GLRA3: variants seen among roughly 807,000 people sequenced by gnomAD.
GLRA3 encodes glycine receptor alpha 3.
In GLRA3, 44 loss-of-function variants were observed where a neutral mutation model predicts 60.4. The ratio of observed to expected loss-of-function variants is 0.73; its 90% CI spans 0.57 to 0.94. The LOEUF is 0.94. GLRA3 is among the 40% of genes least tolerant of loss of function. The pLI is 0.00. For synonymous variants in GLRA3, 223 were observed against 192.9 expected, an observed-to-expected ratio of 1.16 and a Z score of -1.29; for missense variants, 508 against 564.6, an observed-to-expected ratio of 0.90 and a Z score of 1.02.
chr4:174,702,642 A>C (rs998877104), intron 5 of GLRA3, among the ~76,000 whole-genome samples: 3 of 152,132 alleles, frequency 2.0e-5, no homozygotes, highest in Non-Finnish European at 4.4e-5. Context: ...ATCATAGCTC[A>C]CTGCAACCTT....
intron 1 of GLRA3, among the ~76,000 whole-genome samples, chr4:174,802,784 A>G (rs1739870309): frequency 6.6e-6 from 1 of 152,132 alleles, no homozygotes. Flanking sequence ...AGTCATCAAA[A>G]TCATAGTCTG....
At chr4:174,768,126 C>T (rs987297355) in intron 2 of GLRA3, among the ~76,000 whole-genome samples, 1 of 152,070 alleles carries the variant, frequency 6.6e-6, no homozygotes, top group Admixed American at 6.6e-5. Context: ...ACTGACAAAG[C>T]TCTGGGGATG....
At chr4:174,778,935 G>A (rs1215195370) in intron 2 of GLRA3, among the ~76,000 whole-genome samples, 2 of 152,102 alleles carry the variant, frequency 1.3e-5, no homozygotes, top group Non-Finnish European at 2.9e-5. Context: ...GGTAAACAAA[G>A]CAGCCGGGAA....
chr4:174,815,204 C>T (rs2111380470), intron 1 of GLRA3, among the ~76,000 whole-genome samples: 1 of 152,350 alleles, frequency 6.6e-6, no homozygotes, highest in Non-Finnish European at 1.5e-5. Flanking sequence ...CCATGTCTCA[C>T]ATCCATGTCA....
intron 9 of GLRA3, among the ~76,000 whole-genome samples, chr4:174,650,203 TA>T (rs1370742472): frequency 6.6e-6 from 1 of 151,846 alleles, no homozygotes; most frequent in Non-Finnish European, 1.5e-5. Context: ...TTTCTATTAT[TA>T]AAAAAAAGAG....
intron 2 of GLRA3, among the ~76,000 whole-genome samples, chr4:174,778,426 G>A (rs563609454): frequency 5.8e-4 from 88 of 151,818 alleles, no homozygotes; most frequent in Middle Eastern, 3.4e-3. Context: ...AAGCTAACCA[G>A]ATCTGATGTG....
chr4:174,776,675 T>C (rs1738617243), intron 2 of GLRA3, among the ~76,000 whole-genome samples: 1 of 152,194 alleles, frequency 6.6e-6, no homozygotes, highest in Non-Finnish European at 1.5e-5. Context: ...AGTAGAACTG[T>C]GCATCGTTAG....
intron 1 of GLRA3, among the ~76,000 whole-genome samples, chr4:174,796,739 G>A (rs1447620786): frequency 6.6e-6 from 1 of 152,014 alleles, no homozygotes; most frequent in African/African-American, 2.4e-5. Flanking sequence ...GTTTCTCCAT[G>A]TTGGCCAAGA....
intron 2 of GLRA3, among the ~76,000 whole-genome samples, chr4:174,786,561 T>G (rs1040206780): frequency 3.3e-5 from 5 of 152,156 alleles, no homozygotes; most frequent in African/African-American, 1.2e-4. Context: ...TTATTTATAT[T>G]TCAATATTGG....
At chr4:174,658,051 T>C (rs546344502) in intron 8 of GLRA3, among the ~76,000 whole-genome samples, 1 of 152,144 alleles carries the variant, frequency 6.6e-6, no homozygotes, top group Non-Finnish European at 1.5e-5. Context: ...AGAAGTTTAA[T>C]CAATACATAA....
chr4:174,734,245 T>A (rs1007576153), intron 3 of GLRA3, among the ~76,000 whole-genome samples: 3 of 152,220 alleles, frequency 2.0e-5, no homozygotes, highest in African/African-American at 7.2e-5. Context: ...CTGCATAAGC[T>A]TTTACAGTTC....
intron 5 of GLRA3, among the ~76,000 whole-genome samples, chr4:174,700,717 C>T (rs1052232545): frequency 6.6e-6 from 1 of 152,160 alleles, no homozygotes; most frequent in Non-Finnish European, 1.5e-5. Flanking sequence ...CTGCACTGAA[C>T]ACATGGACAA....
At chr4:174,795,697 G>A (rs1400626381) in intron 1 of GLRA3, among the ~76,000 whole-genome samples, 1 of 152,096 alleles carries the variant, frequency 6.6e-6, no homozygotes, top group Non-Finnish European at 1.5e-5. Context: ...TGATTTTTGA[G>A]TTCTTATGTA....
chr4:174,709,981 T>C (rs1735653230), intron 5 of GLRA3, among the ~76,000 whole-genome samples: 3 of 149,486 alleles, frequency 2.0e-5, no homozygotes. Flanking sequence ...TTTTTTTTTT[T>C]ACCTTTAATG....
chr4:174,742,208 C>G (rs969620478), intron 3 of GLRA3, among the ~76,000 whole-genome samples: 1 of 152,086 alleles, frequency 6.6e-6, no homozygotes, highest in African/African-American at 2.4e-5. Context: ...TATTTAACAT[C>G]AGTAGAAGCT....
intron 1 of GLRA3, among the ~76,000 whole-genome samples, chr4:174,812,540 A>G (rs910314717): frequency 6.6e-6 from 1 of 152,132 alleles, no homozygotes; most frequent in East Asian, 1.9e-4. Context: ...GCATAGAACA[A>G]AGGAGAAAAT....
At chr4:174,666,031 G>A (rs1231679533) in intron 7 of GLRA3, among the ~76,000 whole-genome samples, 2 of 152,100 alleles carry the variant, frequency 1.3e-5, no homozygotes, top group Non-Finnish European at 2.9e-5. Flanking sequence ...CTACCAAGTT[G>A]CAAAACTAGG....
chr4:174,793,423 CA>C (rs1264598241), intron 1 of GLRA3, among the ~76,000 whole-genome samples: 1 of 120,034 alleles, frequency 8.3e-6, no homozygotes, highest in Non-Finnish European at 1.7e-5. Context: ...AATTTACATT[CA>C]TTTATTTATT....
chr4:174,758,424 A>G (rs753303645), intron 3 of GLRA3, among the ~76,000 whole-genome samples: 9 of 152,138 alleles, frequency 5.9e-5, no homozygotes, highest in Non-Finnish European at 1.2e-4. Context: ...CATAAGAAAA[A>G]TATCTATGAA....
Sources: gnomAD v4.1 joint callset for allele counts (sites outside exome capture counted in the v4.1 genomes callset) on GRCh38, gnomAD v4.1.1 for gene constraint, MANE v1.5 for transcripts, NCBI Gene and HGNC (gene_info 2026-07-23, HGNC 2026-07-21) for gene names.